GREB1L: variants seen among roughly 807,000 people sequenced by gnomAD.
GREB1L encodes the protein GREB1 like retinoic acid receptor coactivator.
A neutral mutation model predicts 200.8 loss-of-function variants in GREB1L; 17 were observed. That is an observed-to-expected ratio of 0.08 (90% confidence interval 0.06 to 0.13). The LOEUF is 0.13. GREB1L is among the 10% of genes least tolerant of loss of function. The pLI is 1.00. For missense variants in GREB1L, 1,657 were observed against 2,367.7 expected (o/e 0.70, Z 6.23); for synonymous variants, 789 against 893.0 (o/e 0.88, Z 2.08).
intron 1 of GREB1L, among the ~76,000 whole-genome samples, chr18:21,247,626 T>A (rs1392277013): frequency 6.6e-6 from 1 of 152,210 alleles, no homozygotes; most frequent in Non-Finnish European, 1.5e-5. Context: ...GTGCTTTACT[T>A]TTCTTCTGTA....
intron 4 of GREB1L, among the ~76,000 whole-genome samples, chr18:21,389,680 G>A (rs1259208696): frequency 6.6e-6 from 1 of 152,108 alleles, no homozygotes; most frequent in African/African-American, 2.4e-5. Flanking sequence ...AAACAAAATT[G>A]TAACTTTTCC....
At chr18:21,455,689 C>T (rs1174334613) in intron 15 of GREB1L, among the ~76,000 whole-genome samples, 3 of 148,062 alleles carry the variant, frequency 2.0e-5, no homozygotes, top group Non-Finnish European at 4.5e-5. Flanking sequence ...AAAAAAAAAA[C>T]AAAAAAACAA....
At chr18:21,506,386 C>A (rs2037022917) in intron 25 of GREB1L, among the ~76,000 whole-genome samples, 1 of 149,718 alleles carries the variant, frequency 6.7e-6, no homozygotes, top group African/African-American at 2.5e-5. Flanking sequence ...CAGAGTGGGA[C>A]TCCGTCTCAA....
In GREB1L at chr18:21,525,012, G is replaced by GTGTGTGTATA. The variant is rs55641891; in HGVS notation, c.*2192_*2193insGTGTGTATAT. ...AAGCACAGGACACCATGATTTGTGT[G>GTGTGTGTATA]TATATATATATATATCCTAGTGTGT... On this transcript the variant is annotated 3_prime_UTR_variant, in exon 33 of 33. Coordinates refer to ENST00000424526, the MANE Select transcript of GREB1L (RefSeq NM_001142966.3). 6.9e-6 allele frequency: 1 copy of GTGTGTGTATA among 145,122 alleles called. No individual in the cohort carries two copies. Among genetic ancestry groups the GTGTGTGTATA allele is most frequent in the African/African-American group, 2.5e-5 (1 of 40,128 alleles). 9.0% of individuals were successfully genotyped at this position (145,122 alleles called of 1,614,324 possible). A position where few individuals can be genotyped will look rare whatever the true frequency, so the allele number is the denominator to read the frequency against.
At chr18:21,434,499 A>ATATATATATGTG (rs1392320151) in intron 7 of GREB1L, among the ~76,000 whole-genome samples, 3 of 127,282 alleles carry the variant, frequency 2.4e-5, no homozygotes, top group African/African-American at 1.0e-4. Context: ...ATATATATAT[A>ATATATATATGTG]TGTGTGTGTG....
chr18:21,441,253 C>A, intron 9 of GREB1L, 147 bp from the exon 10 acceptor site: 1 of 598,570 alleles, frequency 1.7e-6, no homozygotes. Context: ...TTTCACTTAT[C>A]ACTTTACACA....
At chr18:21,320,683 A>G (rs1054763330) in intron 1 of GREB1L, among the ~76,000 whole-genome samples, 4 of 151,680 alleles carry the variant, frequency 2.6e-5, no homozygotes, top group African/African-American at 9.7e-5. Flanking sequence ...GGAGAATGGC[A>G]TGAACCCGGG....
At chr18:21,490,372 TCTC>T (rs1203480898) in intron 19 of GREB1L, 21 bp downstream of exon 19, 3 of 1,533,800 alleles carry the variant, frequency 2.0e-6, no homozygotes, top group Non-Finnish European at 2.6e-6. Context: ...GACAGACATT[TCTC>T]CTTTAAAATA....
intron 1 of GREB1L, among the ~76,000 whole-genome samples, chr18:21,332,565 C>A (rs2039121435): frequency 6.6e-6 from 1 of 152,120 alleles, no homozygotes; most frequent in Non-Finnish European, 1.5e-5. Flanking sequence ...ATCTCCACTT[C>A]CTGGGTTTAA....
At chr18:21,437,004 C>A (rs2033590951) in intron 7 of GREB1L, among the ~76,000 whole-genome samples, 1 of 152,188 alleles carries the variant, frequency 6.6e-6, no homozygotes, top group East Asian at 1.9e-4. Context: ...ACCCATGGCA[C>A]CCAGCCAAGT....
At chr18:21,332,260 T>C (rs2039116513) in intron 1 of GREB1L, among the ~76,000 whole-genome samples, 1 of 152,222 alleles carries the variant, frequency 6.6e-6, no homozygotes, top group Non-Finnish European at 1.5e-5. Flanking sequence ...TTTGCCTCTA[T>C]GCTAAGTGGC....
At chr18:21,484,326 C>A (rs1176387948) in intron 17 of GREB1L, among the ~76,000 whole-genome samples, 1 of 151,146 alleles carries the variant, frequency 6.6e-6, no homozygotes, top group East Asian at 2.0e-4. Context: ...AGGCACCCGC[C>A]ACCACGCCTG....
intron 2 of GREB1L, among the ~76,000 whole-genome samples, chr18:21,380,112 A>G (rs2040241794): frequency 6.6e-6 from 1 of 152,128 alleles, no homozygotes; most frequent in African/African-American, 2.4e-5. Context: ...CTTTTTCTTC[A>G]AATCATAGGA....
chr18:21,266,679 G>C (rs2037973896), intron 1 of GREB1L, among the ~76,000 whole-genome samples: 1 of 152,178 alleles, frequency 6.6e-6, no homozygotes, highest in Non-Finnish European at 1.5e-5. Flanking sequence ...AAGTGAGAGA[G>C]TTTTGGTTCA....
chr18:21,325,228 G>T (rs1206554553), intron 1 of GREB1L, among the ~76,000 whole-genome samples: 1 of 152,178 alleles, frequency 6.6e-6, no homozygotes, highest in Non-Finnish European at 1.5e-5. Context: ...TATGAAGAGA[G>T]CGTTTTTGTG....
chr18:21,365,876 G>A (rs1190069254), intron 1 of GREB1L, among the ~76,000 whole-genome samples, 151 bp from the exon 2 acceptor site: 3 of 152,048 alleles, frequency 2.0e-5, no homozygotes, highest in Admixed American at 6.6e-5. Flanking sequence ...TCATTATAAT[G>A]TATATGGAGT....
At chr18:21,422,665 G>C (rs2032248519) in intron 7 of GREB1L, among the ~76,000 whole-genome samples, 2 of 152,070 alleles carry the variant, frequency 1.3e-5, no homozygotes, top group African/African-American at 4.8e-5. Context: ...ATCTGGATAT[G>C]CCATAATTTA....
intron 17 of GREB1L, among the ~76,000 whole-genome samples, chr18:21,482,614 G>A (rs2035962999): frequency 6.7e-6 from 1 of 149,372 alleles, no homozygotes; most frequent in Non-Finnish European, 1.5e-5. Context: ...TTAAGATGCA[G>A]GTGAGCACAC....
At chr18:21,339,232 G>A (rs1312820838) in intron 1 of GREB1L, among the ~76,000 whole-genome samples, 1 of 151,806 alleles carries the variant, frequency 6.6e-6, no homozygotes, top group Non-Finnish European at 1.5e-5. Context: ...AAATTTAAAA[G>A]GCACATAGTG....
Sources: allele counts gnomAD v4.1 joint callset (sites outside exome capture counted in the v4.1 genomes callset), GRCh38; gene constraint gnomAD v4.1.1; transcripts MANE v1.5; gene names NCBI Gene and HGNC (gene_info 2026-07-23, HGNC 2026-07-21).